The following GPC5 variants were observed in gnomAD, a reference collection of about 807,000 sequenced individuals.
GPC5 encodes the protein glypican 5, also known as glypican-5.
Under a neutral mutation model 53.9 loss-of-function variants are expected in GPC5, and 47 were observed. That is an observed-to-expected ratio of 0.87 (90% CI 0.69 to 1.11). The LOEUF is 1.11. GPC5 is among the 50% of genes most tolerant of loss of function. GPC5 has a pLI of 0.00. For missense variants in GPC5, 748 were observed against 713.1 expected, an observed-to-expected ratio of 1.05 and a Z score of -0.56; for synonymous variants, 286 against 263.3, an observed-to-expected ratio of 1.09 and a Z score of -0.84.
At chr13:91,916,799 C>G (rs1450728639) in intron 6 of GPC5, among the ~76,000 whole-genome samples, 1 of 152,108 alleles carries the variant, frequency 6.6e-6, no homozygotes, top group East Asian at 1.9e-4. Flanking sequence ...CTTATAAAAC[C>G]ATCAAATCTG....
At chr13:92,176,328 C>G (rs1017225403) in intron 7 of GPC5, among the ~76,000 whole-genome samples, 4 of 152,170 alleles carry the variant, frequency 2.6e-5, no homozygotes, top group Admixed American at 2.6e-4. Flanking sequence ...CCTTGTGTCT[C>G]AAGACAGCTT....
At chr13:92,800,830 T>C (rs1376582383) in intron 7 of GPC5, among the ~76,000 whole-genome samples, 1 of 151,856 alleles carries the variant, frequency 6.6e-6, no homozygotes, top group Non-Finnish European at 1.5e-5. Flanking sequence ...GTTTGTTACC[T>C]TGACGGAAAG....
At position 92,481,586 on chromosome 13, in the gene GPC5, A is replaced by G. The variant is rs1312065618; in HGVS notation, c.1561+336597A>G. Among the ~76,000 whole-genome samples, 3 of 152,202 alleles carry G rather than the reference A, an allele frequency of 2.0e-5. No homozygotes were observed. In the East Asian group the frequency reaches 5.8e-4, roughly 29 times the overall value. ...TTCATTTGCTTACATCTCCCGTTCCAGAATTAGGCTGCATGACCACTGTGG... is the reference window on the plus strand; with the variant it reads ...TTCATTTGCTTACATCTCCCGTTCCGGAATTAGGCTGCATGACCACTGTGG... On this transcript the variant is annotated intron_variant, in intron 7 of 7. Transcript: ENST00000377067.
chr13:91,727,598 T>C (rs2036602707), intron 3 of GPC5, among the ~76,000 whole-genome samples: 3 of 152,200 alleles, frequency 2.0e-5, no homozygotes, highest in African/African-American at 7.2e-5. Flanking sequence ...ACTCATTACA[T>C]GGAAAATCAA....
intron 7 of GPC5, among the ~76,000 whole-genome samples, chr13:92,606,194 C>T (rs767474693): frequency 5.8e-4 from 88 of 151,966 alleles, no homozygotes; most frequent in Non-Finnish European, 1.2e-3. Context: ...CCCATTAACT[C>T]GTCATTTACA....
chr13:92,166,240 C>T (rs2042026290), intron 7 of GPC5, among the ~76,000 whole-genome samples: 1 of 152,080 alleles, frequency 6.6e-6, no homozygotes, highest in African/African-American at 2.4e-5. Context: ...TGGAACTTTA[C>T]ACTAAAGTAA....
intron 6 of GPC5, among the ~76,000 whole-genome samples, chr13:92,135,081 T>A (rs575425945): frequency 1.3e-5 from 2 of 152,286 alleles, no homozygotes; most frequent in African/African-American, 4.8e-5. Context: ...AGGGTCATTA[T>A]ACATTGCTTA....
At chr13:91,557,182 G>T (rs572211763) in intron 2 of GPC5, among the ~76,000 whole-genome samples, 1 of 151,962 alleles carries the variant, frequency 6.6e-6, no homozygotes, top group Non-Finnish European at 1.5e-5. Flanking sequence ...ATGTATGAGC[G>T]ATTCCGTTTC....
intron 7 of GPC5, among the ~76,000 whole-genome samples, chr13:92,260,455 G>C (rs907309004): frequency 6.6e-6 from 1 of 152,188 alleles, no homozygotes; most frequent in Non-Finnish European, 1.5e-5. Context: ...CACAAGTTAA[G>C]AACACTGTTC....
intron 7 of GPC5, among the ~76,000 whole-genome samples, chr13:92,631,348 A>T (rs1005636739): frequency 5.9e-5 from 9 of 151,880 alleles, no homozygotes; most frequent in African/African-American, 1.7e-4. Context: ...AGCCAAGTTT[A>T]TTTTTTTTCT....
intron 4 of GPC5, among the ~76,000 whole-genome samples, chr13:91,729,885 A>G (rs78784803): frequency 0.029 from 4,414 of 152,316 alleles, 229 homozygotes; most frequent in African/African-American, 0.1. Flanking sequence ...TAATCTATTC[A>G]CTAGCAAAAT....
At chr13:91,841,578 T>C (rs2038788465) in intron 5 of GPC5, among the ~76,000 whole-genome samples, 1 of 148,640 alleles carries the variant, frequency 6.7e-6, no homozygotes, top group African/African-American at 2.4e-5. Flanking sequence ...ATTGTAGAAG[T>C]AGTCAGCTTT....
At chr13:92,503,320 A>G (rs1880256302) in intron 7 of GPC5, among the ~76,000 whole-genome samples, 1 of 151,870 alleles carries the variant, frequency 6.6e-6, no homozygotes, top group Non-Finnish European at 1.5e-5. Context: ...AAACATCAAA[A>G]GGAAAATTAG....
At chr13:92,156,442 A>G (rs145164174) in intron 7 of GPC5, among the ~76,000 whole-genome samples, 3 of 152,266 alleles carry the variant, frequency 2.0e-5, no homozygotes, top group Non-Finnish European at 2.9e-5. Context: ...CATGGCTTTA[A>G]CTTGCTGCAT....
intron 7 of GPC5, among the ~76,000 whole-genome samples, chr13:92,298,242 C>G (rs2043051728): frequency 6.6e-6 from 1 of 152,166 alleles, no homozygotes; most frequent in African/African-American, 2.4e-5. Flanking sequence ...GTCCTAGGCT[C>G]CCCGCCTCCC....
At chr13:91,890,109 A>C (rs182472497) in intron 5 of GPC5, among the ~76,000 whole-genome samples, 36 of 152,284 alleles carry the variant, frequency 2.4e-4, no homozygotes, top group African/African-American at 8.4e-4. Flanking sequence ...ATCCTTGATT[A>C]CAAGGATCAA....
At chr13:92,840,835 T>C (rs1027446787) in intron 7 of GPC5, among the ~76,000 whole-genome samples, 1 of 152,114 alleles carries the variant, frequency 6.6e-6, no homozygotes, top group African/African-American at 2.4e-5. Context: ...TTTAGGTTTA[T>C]TCCTAAGTAT....
intron 7 of GPC5, among the ~76,000 whole-genome samples, chr13:92,322,872 C>T (rs1409680455): frequency 6.6e-6 from 1 of 151,956 alleles, no homozygotes; most frequent in African/African-American, 2.4e-5. Context: ...CTTGAACTAA[C>T]AAGGAAGCAT....
At chr13:91,962,430 C>T (rs1401972345) in intron 6 of GPC5, among the ~76,000 whole-genome samples, 1 of 151,942 alleles carries the variant, frequency 6.6e-6, no homozygotes. Context: ...AAATTAATTT[C>T]CTTTTAGTGT....
Sources: allele counts gnomAD v4.1 joint callset (sites outside exome capture counted in the v4.1 genomes callset), GRCh38; gene constraint gnomAD v4.1.1; transcripts MANE v1.5; gene names NCBI Gene and HGNC (gene_info 2026-07-23, HGNC 2026-07-21).